PIEZO2: variants seen among roughly 807,000 people sequenced by gnomAD.
The protein encoded by PIEZO2 is piezo-type mechanosensitive ion channel component 2.
PIEZO2 carries 172 observed loss-of-function variants against 337.3 expected under a neutral mutation model. The observed-to-expected ratio is 0.51, with a 90% CI of 0.45 to 0.58. The LOEUF (loss-of-function observed/expected upper bound fraction) is 0.58. Among genes scored for constraint, PIEZO2 ranks in the 20% least tolerant of loss-of-function variants. The probability of loss-of-function intolerance (pLI) is 0.00; values close to 1 mark genes in which losing one functional copy is unlikely to be tolerated. For synonymous variants in PIEZO2, 1,251 were observed against 1,228.5 expected, an observed-to-expected ratio of 1.02 and a Z score of -0.38; for missense variants, 3,028 against 3,391.3, an observed-to-expected ratio of 0.89 and a Z score of 2.66.
At chr18:10,791,386 A>G in intron 13 of PIEZO2, 62 bp from the exon 14 acceptor site, 7 of 1,408,730 alleles carry the variant, frequency 5.0e-6, no homozygotes, top group Non-Finnish European at 6.5e-6. Flanking sequence ...AAAACATTCA[A>G]CAAATGTAAC....
At chr18:10,747,984 C>T (rs2037494257) in intron 30 of PIEZO2, among the ~76,000 whole-genome samples, 1 of 152,068 alleles carries the variant, frequency 6.6e-6, no homozygotes, top group Non-Finnish European at 1.5e-5. Flanking sequence ...TACCTCTCCC[C>T]AGTCTTTTTT....
rs1294412093 is a variant in PIEZO2 at position 10,857,012 on chromosome 18, A to G, written c.692T>C (p.Leu231Pro). 1 of 1,537,194 alleles carries G rather than the reference A, an allele frequency of 6.5e-7. No homozygotes were observed. The highest frequency in any genetic ancestry group is 8.7e-7 in the Non-Finnish European group (1 of 1,146,934). Residue 231 changes from leucine (L) to proline (P), a missense_variant, in exon 6 of 56, where the codon CTG (leucine) becomes CCG (proline). This residue lies in a region of PIEZO2 where 542 missense variants were observed against 605.6 expected (regional missense o/e 0.89). Transcript: ENST00000674853. ...TGGGAGACACTCACCCGAGGAGCCC[A>G]GTAAGATGGTAACAACGACTTTCCC... ...TAGKVVVTILLGSSGMMLPSL... is the reference protein window; with the variant it reads ...TAGKVVVTILPGSSGMMLPSL...
intron 3 of PIEZO2, among the ~76,000 whole-genome samples, chr18:10,970,787 T>C (rs185126668): frequency 4.7e-4 from 71 of 152,140 alleles, no homozygotes; most frequent in African/African-American, 1.7e-3. Context: ...CCAGGAACTC[T>C]AGAAATTTTG....
intron 1 of PIEZO2, among the ~76,000 whole-genome samples, chr18:11,100,948 T>C (rs147232714): frequency 0.02 from 2,969 of 152,254 alleles, 35 homozygotes; most frequent in Non-Finnish European, 0.031. Context: ...CCTGGGGTCA[T>C]ACGAAGAAGG....
intron 7 of PIEZO2, among the ~76,000 whole-genome samples, chr18:10,812,313 G>A (rs1219322977): frequency 1.3e-5 from 2 of 152,074 alleles, no homozygotes; most frequent in Non-Finnish European, 1.5e-5. Context: ...ACTTGTAAGT[G>A]GGAGTTAAAC....
Position 10,945,599 on chromosome 18 carries a change from A to G in PIEZO2, c.286+33936T>C, listed in dbSNP as rs2032977162. 6.6e-6 allele frequency among the ~76,000 whole-genome samples: 1 copy of G among 152,188 alleles called. No homozygotes were observed. The highest frequency in any genetic ancestry group is 1.5e-5 in the Non-Finnish European group (1 of 68,038). ...TTAAAAATATGTATAGGAATATAAA[A>G]ATGTCTAGCACCCAACAAGGTAAAA... On this transcript the variant is annotated intron_variant, in intron 3 of 55. Coordinates refer to ENST00000674853, the MANE Select transcript of PIEZO2 (RefSeq NM_001378183.1). This position sits in a 1 kb window ranked among gnomAD's most constrained non-coding sequence, Gnocchi z 4.0.
chr18:10,975,872 G>A (rs1432961126), intron 3 of PIEZO2, among the ~76,000 whole-genome samples: 1 of 152,160 alleles, frequency 6.6e-6, no homozygotes, highest in Non-Finnish European at 1.5e-5. Flanking sequence ...ATTTACCAAT[G>A]TCTTGAACAT....
intron 1 of PIEZO2, among the ~76,000 whole-genome samples, chr18:11,134,749 G>T (rs1318101267): frequency 6.6e-6 from 1 of 152,076 alleles, no homozygotes; most frequent in African/African-American, 2.4e-5. Context: ...TTCTCAAAAA[G>T]ACCTAATCAT....
rs115493000 is a variant in PIEZO2 at position 10,859,845 on chromosome 18, G to A, written c.493-2634C>T. On this transcript the variant is annotated intron_variant, in intron 5 of 55. Coordinates refer to ENST00000674853, the MANE Select transcript of PIEZO2 (RefSeq NM_001378183.1). This position sits in a 1 kb window ranked among gnomAD's most constrained non-coding sequence, Gnocchi z 4.9. ...GGGCGGAGCAGAGGGAGGCAGCAGC[G>A]GGGAGGTGGTGGCTGTGCTGGAGGA... 6.8e-4 allele frequency among the ~76,000 whole-genome samples: 103 copies of A among 152,310 alleles called. 1 individual carries two copies. Among genetic ancestry groups the A allele is most frequent in the African/African-American group, 2.5e-3 (103 of 41,570 alleles).
chr18:10,759,823 T>C lies in PIEZO2; in HGVS notation c.3537A>G (p.Leu1179=). 1.3e-6 allele frequency: 2 copies of C among 1,537,302 alleles called. No homozygotes were observed. The highest frequency in any genetic ancestry group is 1.2e-5 in the South Asian group (1 of 84,066). ...MIHACWLIAV[L]YRRRRKAIAE... ...CGATGGCTTTCCTTCTGCGTCTATATAAGACAGCGATCAGCCAGCAGGCGT... is the reference window on the plus strand; with the variant it reads ...CGATGGCTTTCCTTCTGCGTCTATACAAGACAGCGATCAGCCAGCAGGCGT... The change falls in exon 25 of 56, where the codon TTA becomes TTG. Residue 1179 remains leucine, a synonymous_variant. Coordinates refer to ENST00000674853, the MANE Select transcript of PIEZO2 (RefSeq NM_001378183.1). This position sits in a 1 kb window ranked among gnomAD's most constrained non-coding sequence, Gnocchi z 5.5.
At chr18:10,946,680 G>T (rs989958115) in intron 3 of PIEZO2, among the ~76,000 whole-genome samples, 1 of 152,224 alleles carries the variant, frequency 6.6e-6, no homozygotes, top group African/African-American at 2.4e-5. Context: ...GGGCTTAGTG[G>T]AAAGCTGAAC....
At position 10,794,856 on chromosome 18, in the gene PIEZO2, C is replaced by T. The variant is rs1334019255; in HGVS notation, c.1674G>A (p.Gln558=). The change falls in exon 13 of 56, where the codon CAG becomes CAA. Residue 558 remains glutamine (Q), a synonymous_variant. Transcript: ENST00000674853. This position sits in a 1 kb window ranked among gnomAD's most constrained non-coding sequence, Gnocchi z 6.6. ...VVYGNLLLIL[Q]YIWSFELPEI... Reference sequence around the variant, plus strand: ...CAGGAAGTTCAAAACTCCATATATACTGTAATATCAACAATAGGTTTCCAT... The same window carrying T: ...CAGGAAGTTCAAAACTCCATATATATTGTAATATCAACAATAGGTTTCCAT... The T allele has an allele frequency of 6.5e-7, 1 of 1,537,218 alleles. No individual in the cohort carries two copies. The highest frequency in any genetic ancestry group is 2.4e-5 in the East Asian group (1 of 40,912).
intron 4 of PIEZO2, among the ~76,000 whole-genome samples, chr18:10,900,754 C>T (rs1281711354): frequency 6.6e-6 from 1 of 152,144 alleles, no homozygotes; most frequent in African/African-American, 2.4e-5. Flanking sequence ...ATCACCCTGG[C>T]AAACTCTCAT....
intron 2 of PIEZO2, among the ~76,000 whole-genome samples, chr18:10,992,890 C>T (rs1050575046): frequency 1.3e-5 from 2 of 152,070 alleles, no homozygotes; most frequent in African/African-American, 4.8e-5. Flanking sequence ...TTGTTTGTGT[C>T]CTCTCTTATT....
At position 11,035,300 on chromosome 18, in the gene PIEZO2, C is replaced by T. The variant is rs2036886756; in HGVS notation, c.160+30827G>A. On this transcript the variant is annotated intron_variant, in intron 2 of 55. Coordinates refer to ENST00000674853, the MANE Select transcript of PIEZO2 (RefSeq NM_001378183.1). This position sits in a 1 kb window ranked among gnomAD's most constrained non-coding sequence, Gnocchi z 4.3. ...GCTGGTTGTTTAAAAAGCCTGGCACCTTCTCTCTCTCTCCCTCTCTCTCTC... is the reference window on the plus strand; with the variant it reads ...GCTGGTTGTTTAAAAAGCCTGGCACTTTCTCTCTCTCTCCCTCTCTCTCTC... Among the ~76,000 whole-genome samples the T allele has an allele frequency of 7.1e-6, 1 of 140,822 alleles. No individual in the cohort carries two copies. The allele number at this position is 140,822 out of a possible 152,430, so 92.4% of individuals were successfully genotyped here. A position where few individuals can be genotyped will look rare whatever the true frequency, so the allele number is the denominator to read the frequency against.
rs2036024097 is a variant in PIEZO2 at position 10,716,691 on chromosome 18, A to G, written c.5090-875T>C. On this transcript the variant is annotated intron_variant, in intron 37 of 55. Transcript: ENST00000674853. The surrounding 1 kb of genome is among the most constrained non-coding windows in gnomAD (Gnocchi z 4.1). The stretch of plus-strand genomic sequence containing the variant: ...TCCTTTATAAAATCTCAAGCAAGGT[A>G]TGTATTTCTCACAATCATTCAGATA... Among the ~76,000 whole-genome samples the G allele has an allele frequency of 6.6e-6, 1 of 152,166 alleles. No homozygotes were observed. The highest frequency in any genetic ancestry group is 1.5e-5 in the Non-Finnish European group (1 of 68,028).
intron 7 of PIEZO2, among the ~76,000 whole-genome samples, chr18:10,844,225 C>G (rs898309838): frequency 2.6e-5 from 4 of 151,554 alleles, no homozygotes; most frequent in Admixed American, 6.6e-5. Context: ...TCGAGACCAG[C>G]CTGGCCAACA....
At chr18:10,917,366 G>A (rs1274461831) in intron 3 of PIEZO2, among the ~76,000 whole-genome samples, 1 of 152,020 alleles carries the variant, frequency 6.6e-6, no homozygotes, top group Non-Finnish European at 1.5e-5. Context: ...GTTTTTAACA[G>A]GCTCCTTTCA....
intron 2 of PIEZO2, among the ~76,000 whole-genome samples, chr18:10,992,980 CT>C (rs1219438043): frequency 1.2e-4 from 19 of 152,132 alleles, no homozygotes; most frequent in Admixed American, 1.2e-3. Context: ...ATTTTATTCT[CT>C]TTGTAGCAGT....
Sources: allele counts gnomAD v4.1 joint callset (sites outside exome capture counted in the v4.1 genomes callset), GRCh38; gene constraint gnomAD v4.1.1; regional missense constraint gnomAD v4.1.1; non-coding constraint Gnocchi (gnomAD v3.1); transcripts MANE v1.5; gene names NCBI Gene and HGNC (gene_info 2026-07-23, HGNC 2026-07-21).